Variants in NCS1 observed in about 807,000 individuals in gnomAD.
NCS1 encodes the protein neuronal calcium sensor 1, also known as frequenin homolog.
Under a neutral mutation model 28.4 loss-of-function variants are expected in NCS1, and 6 were observed. The observed-to-expected ratio is 0.21, with a 90% CI of 0.12 to 0.42. The LOEUF is 0.42. Among genes scored for constraint, NCS1 ranks in the 10% least tolerant of loss-of-function variants. The probability of loss-of-function intolerance (pLI) is 1.00; values close to 1 mark genes in which losing one functional copy is unlikely to be tolerated. For missense variants in NCS1, 131 were observed against 241.4 expected (o/e 0.54, Z 3.03); for synonymous variants, 86 against 99.3 (o/e 0.87, Z 0.79).
At chr9:130,199,815 C>T (rs1310284362) in intron 1 of NCS1, among the ~76,000 whole-genome samples, 3 of 152,242 alleles carry the variant, frequency 2.0e-5, no homozygotes, top group Admixed American at 6.5e-5. Context: ...CTTTGGGCTT[C>T]CTTCCCACTT....
intron 2 of NCS1, among the ~76,000 whole-genome samples, chr9:130,206,699 C>T (rs1216227265): frequency 6.6e-6 from 1 of 152,052 alleles, no homozygotes; most frequent in Admixed American, 6.6e-5. Context: ...TGTGAGCCAC[C>T]GCGCCCGGCC....
intron 1 of NCS1, among the ~76,000 whole-genome samples, chr9:130,193,483 G>A (rs1743415309): frequency 6.6e-6 from 1 of 152,170 alleles, no homozygotes; most frequent in South Asian, 2.1e-4. Flanking sequence ...GAGGCAGCCA[G>A]GTTGGATGGG....
chr9:130,222,564 G>T, intron 4 of NCS1, 86 bp from the exon 5 acceptor site: 3 of 1,116,126 alleles, frequency 2.7e-6, no homozygotes, highest in East Asian at 2.4e-5. Context: ...CTGACTTCAT[G>T]TTGGGGTACA....
At position 130,209,203 on chromosome 9, in the gene NCS1, C is replaced by G. The variant is rs188462254; in HGVS notation, c.89+8221C>G. On this transcript the variant is annotated intron_variant, in intron 2 of 7. Transcript: ENST00000372398. This position sits in a 1 kb window ranked among gnomAD's most constrained non-coding sequence, Gnocchi z 4.4. ...TTGGGGTAATGCTTTATGATTTATC[C>G]GTCTAGCAATCTCTGTCCCACCTTT... 6.6e-6 allele frequency among the ~76,000 whole-genome samples: 1 copy of G among 152,208 alleles called. No individual in the cohort carries two copies. Among genetic ancestry groups the G allele is most frequent in the Non-Finnish European group, 1.5e-5 (1 of 68,040 alleles).
chr9:130,219,935 G>A lies in NCS1; in HGVS notation c.307+132G>A, dbSNP rs1028583407. The stretch of plus-strand genomic sequence containing the variant: ...TGACCACAGATGGCGTCCCAGCTGT[G>A]TCTGCAGAGGGCAGGCCTGGGCCCT... On this transcript the variant is annotated intron_variant, in intron 4 of 7. Coordinates refer to ENST00000372398, the MANE Select transcript of NCS1 (RefSeq NM_014286.4). This position sits in a 1 kb window ranked among gnomAD's most constrained non-coding sequence, Gnocchi z 5.7. 1.0e-6 allele frequency: 1 copy of A among 982,188 alleles called. No individual in the cohort carries two copies. Among genetic ancestry groups the A allele is most frequent in the Non-Finnish European group, 1.6e-6 (1 of 633,214 alleles). 60.8% of individuals were successfully genotyped at this position (982,188 alleles called of 1,614,324 possible).
chr9:130,176,194 C>CTTTCTTTCTTTCTT, intron 1 of NCS1, among the ~76,000 whole-genome samples: 1 of 50,130 alleles, frequency 2.0e-5, no homozygotes, highest in Middle Eastern at 8.6e-3. Flanking sequence ...TTCTTTCTTT[C>CTTTCTTTCTTTCTT]TTTTTTTTTT....
intron 2 of NCS1, among the ~76,000 whole-genome samples, chr9:130,208,911 C>T (rs1461811339): frequency 2.0e-5 from 3 of 152,102 alleles, no homozygotes; most frequent in African/African-American, 4.8e-5. Context: ...GGGTCCAGCT[C>T]GCTCTGCCTC....
chr9:130,216,341 C>T (rs574229043), intron 2 of NCS1, among the ~76,000 whole-genome samples: 7 of 152,322 alleles, frequency 4.6e-5, no homozygotes, highest in African/African-American at 9.6e-5. Flanking sequence ...CATTCACCTT[C>T]GATCCCACCT....
At position 130,236,254 on chromosome 9, in the gene NCS1, G is replaced by A. The variant is rs1833591152; in HGVS notation, c.*3282G>A. ...AGCCTCCATTGCCCACCCGCCAGGCGGAAAGTCACCCTGTTCCCAGCGCGG... is the reference window on the plus strand; with the variant it reads ...AGCCTCCATTGCCCACCCGCCAGGCAGAAAGTCACCCTGTTCCCAGCGCGG... On this transcript the variant is annotated 3_prime_UTR_variant, in exon 8 of 8. Transcript: ENST00000372398. 1 of 152,200 alleles carries A rather than the reference G, an allele frequency of 6.6e-6. No individual in the cohort carries two copies. Among genetic ancestry groups the A allele is most frequent in the African/African-American group, 2.4e-5 (1 of 41,434 alleles). 9.4% of individuals were successfully genotyped at this position (152,200 alleles called of 1,614,324 possible).
At position 130,177,864 on chromosome 9, in the gene NCS1, G is replaced by A. The variant is rs1039139933; in HGVS notation, c.64+5137G>A. ...TGGGAGGGAAGGAGGGCTCAGGGGC[G>A]AGTTCTGCGGTTCTGGCCCCTTCCT... On this transcript the variant is annotated intron_variant, in intron 1 of 7. Coordinates refer to ENST00000372398, the MANE Select transcript of NCS1 (RefSeq NM_014286.4). This position sits in a 1 kb window ranked among gnomAD's most constrained non-coding sequence, Gnocchi z 4.4. Among the ~76,000 whole-genome samples, 1 of 152,324 alleles carries A rather than the reference G, an allele frequency of 6.6e-6. No individual in the cohort carries two copies. Among genetic ancestry groups the A allele is most frequent in the East Asian group, 1.9e-4 (1 of 5,178 alleles).
rs139366099 is a variant in NCS1, at chr9:130,218,595, A to AT, written c.228+639dup. 6.1e-3 allele frequency among the ~76,000 whole-genome samples: 899 copies of AT among 147,310 alleles called. 5 individuals carry two copies. The highest frequency in any genetic ancestry group is 0.01 in the Middle Eastern group (3 of 292). On this transcript the variant is annotated intron_variant, in intron 3 of 7. Coordinates refer to ENST00000372398, the MANE Select transcript of NCS1 (RefSeq NM_014286.4). Reference sequence around the variant, plus strand: ...TACTATGTTTAAGCTCTTTACATGGATTTTTTTTTTTTTTGAGACAGAGTC... The same window carrying AT: ...TACTATGTTTAAGCTCTTTACATGGATTTTTTTTTTTTTTTGAGACAGAGTC...
Position 130,221,377 on chromosome 9 carries a change from CATATATATATATATATAT to C in NCS1, c.308-1253_308-1236del, listed in dbSNP as rs370084084. On this transcript the variant is annotated intron_variant, in intron 4 of 7. Coordinates refer to ENST00000372398, the MANE Select transcript of NCS1 (RefSeq NM_014286.4). ...AATATTTAATATATATATAAAATAT[CATATATATATATATATAT>C]ATATATATATATATATATAGAGAGA... Among the ~76,000 whole-genome samples, 455 of 84,646 alleles carry C rather than the reference CATATATATATATATATAT, an allele frequency of 5.4e-3. 4 individuals are homozygous for C. Among genetic ancestry groups the C allele is most frequent in the African/African-American group, 0.012 (269 of 22,052 alleles). The allele number at this position is 84,646 out of a possible 152,430, so 55.5% of individuals were successfully genotyped here.
rs552108815 is a variant in NCS1, at chr9:130,191,815, G to A, written c.65-9143G>A. On this transcript the variant is annotated intron_variant, in intron 1 of 7. Transcript: ENST00000372398. The surrounding 1 kb of genome is among the most constrained non-coding windows in gnomAD (Gnocchi z 6.4). ...GCAGCGAGCAGAGCAGACGGGGCCC[G>A]CCCACCTTTCCTGCCAGCCGCTGTG... Among the ~76,000 whole-genome samples, 7 of 152,314 alleles carry A rather than the reference G, an allele frequency of 4.6e-5. No individual in the cohort carries two copies. The highest frequency in any genetic ancestry group is 3.9e-4 in the East Asian group (2 of 5,174).
Position 130,223,060 on chromosome 9 carries a change from C to A in NCS1, c.397-22C>A. 1.9e-6 allele frequency: 3 copies of A among 1,608,936 alleles called. No homozygotes were observed. The African/African-American group carries it at 4.0e-5, about 21-fold the overall frequency. On this transcript the variant is annotated intron_variant, in intron 5 of 7. Transcript: ENST00000372398. ...AAAGCCCAGAGTGCCAGGGCCCACC[C>A]CCGCCTTGTCCGTCCCTGCAGGGGA...
chr9:130,227,415 G>GCTGT (rs1833430882), intron 7 of NCS1, among the ~76,000 whole-genome samples: 1 of 152,220 alleles, frequency 6.6e-6, no homozygotes, highest in Non-Finnish European at 1.5e-5. Context: ...TGGTGTATAT[G>GCTGT]TAAGGGTAGA....
At chr9:130,201,039 C>T in intron 2 of NCS1, 57 bp downstream of exon 2, 2 of 1,610,582 alleles carry the variant, frequency 1.2e-6, no homozygotes, top group Non-Finnish European at 1.7e-6. Context: ...GCTTTGTGGG[C>T]TGTGGGCTGA....
intron 1 of NCS1, among the ~76,000 whole-genome samples, chr9:130,189,879 A>AATATATATATATATATAT (rs1203988125): frequency 1.6e-4 from 6 of 37,746 alleles, no homozygotes; most frequent in African/African-American, 7.0e-4. Context: ...AAAAAAAAAA[A>AATATATATATATATATAT]ATATATATAT....
chr9:130,231,738 C>T (rs1554912151), intron 7 of NCS1, among the ~76,000 whole-genome samples: 3 of 151,934 alleles, frequency 2.0e-5, no homozygotes, highest in African/African-American at 7.3e-5. Flanking sequence ...GTTGCTGGGT[C>T]ATATGGTTAA....
chr9:130,203,046 A>ATGTGTGTGTGTGTGTGTG lies in NCS1; in HGVS notation c.89+2082_89+2099dup, dbSNP rs113946626. Reference sequence around the variant, plus strand: ...CTGAGCTCTTGCCTCCAGGGTAAATATGTGTGTGTGTGTGTGTGTGTGTGT... The same window carrying ATGTGTGTGTGTGTGTGTG: ...CTGAGCTCTTGCCTCCAGGGTAAATATGTGTGTGTGTGTGTGTGTGTGTGTGTGTGTGTGTGTGTGTGT... On this transcript the variant is annotated intron_variant, in intron 2 of 7. Coordinates refer to ENST00000372398, the MANE Select transcript of NCS1 (RefSeq NM_014286.4). Among the ~76,000 whole-genome samples, 189 of 142,706 alleles carry ATGTGTGTGTGTGTGTGTG rather than the reference A, an allele frequency of 1.3e-3. 1 individual carries two copies. The highest frequency in any genetic ancestry group is 4.7e-3 in the African/African-American group (176 of 37,576). The allele number at this position is 142,706 out of a possible 152,430, so 93.6% of individuals were successfully genotyped here. A position where few individuals can be genotyped will look rare whatever the true frequency, so the allele number is the denominator to read the frequency against.
Sources: gnomAD v4.1 joint callset for allele counts (sites outside exome capture counted in the v4.1 genomes callset) on GRCh38, gnomAD v4.1.1 for gene constraint, Gnocchi (gnomAD v3.1) non-coding constraint, MANE v1.5 for transcripts, NCBI Gene and HGNC (gene_info 2026-07-23, HGNC 2026-07-21) for gene names.